The following MBD5 variants were observed in gnomAD, a reference collection of about 807,000 sequenced individuals.
MBD5 encodes methyl-CpG binding domain protein 5.
In MBD5, 13 loss-of-function variants were observed where a neutral mutation model predicts 117.3. The observed-to-expected ratio is 0.11, with a 90% CI of 0.07 to 0.18. The LOEUF is 0.18. Ranked by LOEUF, MBD5 falls within the 10% of genes least tolerant of loss-of-function variation. The probability of loss-of-function intolerance (pLI) is 1.00; values close to 1 mark genes in which losing one functional copy is unlikely to be tolerated. For missense variants in MBD5, 1,879 were observed against 2,093.8 expected (o/e 0.90, Z 2.00); for synonymous variants, 727 against 766.4 (o/e 0.95, Z 0.85).
At chr2:148,283,587 A>G (rs2106392794) in intron 3 of MBD5, among the ~76,000 whole-genome samples, 1 of 152,310 alleles carries the variant, frequency 6.6e-6, no homozygotes, top group East Asian at 1.9e-4. Context: ...CTGTAGTGGA[A>G]TATGCCAAAC....
At chr2:148,271,523 T>A (rs1700986960) in intron 3 of MBD5, among the ~76,000 whole-genome samples, 1 of 152,192 alleles carries the variant, frequency 6.6e-6, no homozygotes, top group Non-Finnish European at 1.5e-5. Flanking sequence ...TTATTTCTAG[T>A]ATAAAAGTTC....
At chr2:148,456,057 TCTTTC>T (rs1706871148) in intron 4 of MBD5, among the ~76,000 whole-genome samples, 1 of 152,174 alleles carries the variant, frequency 6.6e-6, no homozygotes. Flanking sequence ...CCTCCCGTCC[TCTTTC>T]CTTTTTGTTC....
At chr2:148,241,771 A>G (rs1204951830) in intron 3 of MBD5, among the ~76,000 whole-genome samples, 2 of 152,120 alleles carry the variant, frequency 1.3e-5, no homozygotes, top group South Asian at 2.1e-4. Flanking sequence ...CAGTGATGTT[A>G]TCTTCTTTCA....
intron 4 of MBD5, among the ~76,000 whole-genome samples, chr2:148,407,473 G>C (rs1705119063): frequency 6.6e-6 from 1 of 152,002 alleles, no homozygotes; most frequent in African/African-American, 2.4e-5. Context: ...ATAGTAGTAA[G>C]ATGTTTGGCA....
At chr2:148,071,910 A>G (rs978654221) in intron 1 of MBD5, 1 of 152,218 alleles carries the variant, frequency 6.6e-6, no homozygotes, top group East Asian at 1.9e-4. Flanking sequence ...AGTTTTTAAA[A>G]AATGTTCATT....
chr2:148,477,887 A>G (rs1371808259), intron 8 of MBD5, among the ~76,000 whole-genome samples: 1 of 152,178 alleles, frequency 6.6e-6, no homozygotes, highest in Non-Finnish European at 1.5e-5. Context: ...TAATTTAGAA[A>G]AGGTTTCTTA....
intron 2 of MBD5, among the ~76,000 whole-genome samples, chr2:148,217,754 T>C (rs1246887061): frequency 1.3e-5 from 2 of 152,170 alleles, no homozygotes; most frequent in African/African-American, 4.8e-5. Flanking sequence ...AGCAGTCTCT[T>C]CTTTTTTGAC....
intron 2 of MBD5, among the ~76,000 whole-genome samples, chr2:148,186,168 G>C (rs1368499582): frequency 6.6e-6 from 1 of 152,158 alleles, no homozygotes; most frequent in African/African-American, 2.4e-5. Flanking sequence ...TTGTGTGAGG[G>C]ACCCAATGAG....
chr2:148,255,503 G>A (rs1160803808), intron 3 of MBD5, among the ~76,000 whole-genome samples: 1 of 152,200 alleles, frequency 6.6e-6, no homozygotes, highest in Admixed American at 6.5e-5. Flanking sequence ...TGGCAATGGG[G>A]TGCTTGGAGG....
chr2:148,096,371 T>C (rs1227483), intron 1 of MBD5, among the ~76,000 whole-genome samples: 146,642 of 152,216 alleles, frequency 0.96, 70,867 homozygotes, highest in East Asian at 1. Context: ...GCTAAACATC[T>C]TATAGTGCAC....
At chr2:148,040,474 A>C (rs1171967915) in intron 1 of MBD5, among the ~76,000 whole-genome samples, 3 of 152,166 alleles carry the variant, frequency 2.0e-5, no homozygotes, top group African/African-American at 7.2e-5. Flanking sequence ...CTTTAATTCT[A>C]TCTCTCTGTG....
Position 148,512,832 on chromosome 2 carries a change from C to T in MBD5, c.5113-38C>T, listed in dbSNP as rs368218823. The T allele has an allele frequency of 1.3e-5, 21 of 1,564,090 alleles. No individual in the cohort carries two copies. The African/African-American group carries it at 2.2e-4, about 16-fold the overall frequency. On this transcript the variant is annotated intron_variant, in intron 13 of 13. Transcript: ENST00000642680. The stretch of plus-strand genomic sequence containing the variant: ...TTTATGGTGTTTGTGATTTCATCCT[C>T]TGTTGTTGTTGTTTTTTTTCTACCT...
intron 1 of MBD5, among the ~76,000 whole-genome samples, chr2:148,080,468 C>A: frequency 6.6e-6 from 1 of 152,102 alleles, no homozygotes. Flanking sequence ...ATGAAAACAA[C>A]TTTTTGCTCT....
At chr2:148,337,883 A>G (rs1702839386) in intron 3 of MBD5, among the ~76,000 whole-genome samples, 3 of 152,198 alleles carry the variant, frequency 2.0e-5, no homozygotes, top group Admixed American at 1.3e-4. Flanking sequence ...ACCTGCTCCA[A>G]CAGTCTGAAT....
chr2:148,372,257 A>C (rs1703875016), intron 4 of MBD5, among the ~76,000 whole-genome samples: 1 of 152,134 alleles, frequency 6.6e-6, no homozygotes, highest in Non-Finnish European at 1.5e-5. Flanking sequence ...AATGACTAGG[A>C]TATGCTAAGT....
chr2:148,497,515 C>G (rs1681738259), intron 11 of MBD5, among the ~76,000 whole-genome samples: 2 of 151,956 alleles, frequency 1.3e-5, no homozygotes, highest in African/African-American at 4.8e-5. Context: ...TAATGAAACC[C>G]TATCTCTACA....
intron 7 of MBD5, among the ~76,000 whole-genome samples, chr2:148,464,454 A>G (rs1418662388): frequency 6.6e-6 from 1 of 152,136 alleles, no homozygotes. Context: ...TCCTTCATCT[A>G]AATTTACCAA....
At chr2:148,027,718 G>A (rs1023649380) in intron 1 of MBD5, 1 of 151,936 alleles carries the variant, frequency 6.6e-6, no homozygotes, top group Admixed American at 6.6e-5. Context: ...TTTGAATAAG[G>A]GATATCAACT....
At chr2:148,028,615 G>A (rs936444449) in intron 1 of MBD5, 3 of 151,986 alleles carry the variant, frequency 2.0e-5, no homozygotes, top group African/African-American at 7.2e-5. Flanking sequence ...AATTTAGACT[G>A]TATAAGTACA....
Sources: allele counts gnomAD v4.1 joint callset (sites outside exome capture counted in the v4.1 genomes callset), GRCh38; gene constraint gnomAD v4.1.1; transcripts MANE v1.5; gene names NCBI Gene and HGNC (gene_info 2026-07-23, HGNC 2026-07-21).